SETDB2: variants seen among roughly 807,000 people sequenced by gnomAD.
The protein encoded by SETDB2 is SET domain bifurcated histone lysine methyltransferase 2, also known as histone-lysine N-methyltransferase SETDB2.
In SETDB2, 56 loss-of-function variants were observed where a neutral mutation model predicts 82.5. The ratio of observed to expected loss-of-function variants is 0.68; its 90% CI spans 0.55 to 0.85. The LOEUF (loss-of-function observed/expected upper bound fraction) is 0.85, where lower values mean the gene tolerates loss of function less well. SETDB2 is among the 40% of genes least tolerant of loss of function. The pLI, the probability that SETDB2 is intolerant of heterozygous loss-of-function variation, is 0.00. For missense variants in SETDB2, 677 were observed against 816.4 expected, an observed-to-expected ratio of 0.83 and a Z score of 2.08; for synonymous variants, 272 against 284.9, an observed-to-expected ratio of 0.95 and a Z score of 0.46.
At chr13:49,462,342 T>G (rs1198612886) in intron 4 of SETDB2, among the ~76,000 whole-genome samples, 1 of 152,124 alleles carries the variant, frequency 6.6e-6, no homozygotes, top group Non-Finnish European at 1.5e-5. Context: ...CTCTCAACAG[T>G]CATCTCATTA....
intron 4 of SETDB2, among the ~76,000 whole-genome samples, chr13:49,462,322 GA>G (rs1958012164): frequency 6.6e-6 from 1 of 152,148 alleles, no homozygotes; most frequent in Non-Finnish European, 1.5e-5. Flanking sequence ...GCTGTCTAGG[GA>G]TAGCTCACCT....
intron 5 of SETDB2, among the ~76,000 whole-genome samples, chr13:49,472,060 C>A: frequency 6.6e-6 from 1 of 150,940 alleles, no homozygotes; most frequent in East Asian, 1.9e-4. Flanking sequence ...CATGAGCCAC[C>A]GCACCCAACC....
chr13:49,452,253 AG>A (rs1957800987), intron 2 of SETDB2, among the ~76,000 whole-genome samples: 1 of 152,030 alleles, frequency 6.6e-6, no homozygotes, highest in Non-Finnish European at 1.5e-5. Context: ...CTGGGATTAC[AG>A]GCATGTGCCA....
chr13:49,477,401 C>G (rs2138945137), intron 6 of SETDB2, among the ~76,000 whole-genome samples: 1 of 151,908 alleles, frequency 6.6e-6, no homozygotes, highest in South Asian at 2.1e-4. Context: ...ACACACTGTA[C>G]CAGAGGCCTG....
rs11404262 is a variant in SETDB2, at chr13:49,465,072, TA to T, written c.209-2778del. Reference sequence around the variant, plus strand: ...CTAGGCAAGAGAGTGAGACCCTGTCTAAAAAAAAAAAAAAGTTTCACGCTAG... The same window carrying T: ...CTAGGCAAGAGAGTGAGACCCTGTCTAAAAAAAAAAAAAGTTTCACGCTAG... On this transcript the variant is annotated intron_variant, in intron 4 of 13. Transcript: ENST00000611815. Among the ~76,000 whole-genome samples the T allele has an allele frequency of 1.2e-3, 164 of 142,160 alleles. 1 individual carries two copies. The highest frequency in any genetic ancestry group is 3.7e-3 in the Middle Eastern group (1 of 272). 93.3% of individuals were successfully genotyped at this position (142,160 alleles called of 152,430 possible). A position where few individuals can be genotyped will look rare whatever the true frequency, so the allele number is the denominator to read the frequency against.
At chr13:49,448,365 GCTT>G (rs1394874509) in intron 1 of SETDB2, among the ~76,000 whole-genome samples, 1 of 151,976 alleles carries the variant, frequency 6.6e-6, no homozygotes, top group East Asian at 1.9e-4. Flanking sequence ...TTTTTTCCCA[GCTT>G]CTTTAATTGA....
intron 6 of SETDB2, among the ~76,000 whole-genome samples, chr13:49,477,998 G>C (rs554996867): frequency 5.9e-5 from 9 of 152,324 alleles, no homozygotes; most frequent in African/African-American, 1.9e-4. Context: ...TACAGATGTA[G>C]AGTGGTGTTG....
intron 5 of SETDB2, among the ~76,000 whole-genome samples, chr13:49,474,928 G>A (rs937533986): frequency 1.3e-5 from 2 of 152,214 alleles, no homozygotes; most frequent in Non-Finnish European, 2.9e-5. Context: ...TACCATATCG[G>A]ACAGCACAGG....
chr13:49,478,000 G>A (rs1373874696), intron 6 of SETDB2, among the ~76,000 whole-genome samples: 1 of 152,218 alleles, frequency 6.6e-6, no homozygotes, highest in African/African-American at 2.4e-5. Context: ...CAGATGTAGA[G>A]TGGTGTTGCA....
chr13:49,450,141 G>A (rs1957760021), intron 1 of SETDB2, among the ~76,000 whole-genome samples: 1 of 152,174 alleles, frequency 6.6e-6, no homozygotes. Context: ...TCTGAAGTTA[G>A]TCACGGTTTG....
chr13:49,472,289 G>A (rs1329747828), intron 5 of SETDB2, among the ~76,000 whole-genome samples: 2 of 151,982 alleles, frequency 1.3e-5, no homozygotes, highest in African/African-American at 2.4e-5. Flanking sequence ...CCCCTTAATG[G>A]TCATAGAGGA....
chr13:49,449,495 C>T (rs1210832143), intron 1 of SETDB2, among the ~76,000 whole-genome samples: 3 of 152,164 alleles, frequency 2.0e-5, no homozygotes, highest in African/African-American at 7.2e-5. Context: ...AGGTGATCCA[C>T]CCACCTCAGC....
At chr13:49,448,178 A>G (rs1319017268) in intron 1 of SETDB2, among the ~76,000 whole-genome samples, 4 of 152,174 alleles carry the variant, frequency 2.6e-5, no homozygotes, top group Non-Finnish European at 5.9e-5. Flanking sequence ...TGTGGCACAC[A>G]TCTCTAGTAA....
intron 2 of SETDB2, among the ~76,000 whole-genome samples, chr13:49,452,176 A>G (rs1426558635): frequency 6.6e-6 from 1 of 151,882 alleles, no homozygotes; most frequent in Non-Finnish European, 1.5e-5. Context: ...CAGTAGCACA[A>G]TCTTGGCTCA....
At chr13:49,468,008 T>A (rs774582160) in intron 5 of SETDB2, 48 bp downstream of exon 5, 3 of 1,360,310 alleles carry the variant, frequency 2.2e-6, no homozygotes, top group Non-Finnish European at 3.0e-6. Context: ...CCTACAGATT[T>A]CTTCTTTATA....
rs1958641027 is a variant in SETDB2 at position 49,488,585 on chromosome 13, T to C, written c.1872T>C (p.Phe624=). The change falls in exon 12 of 14, where the codon TTT becomes TTC. Residue 624 remains phenylalanine (F), a synonymous_variant. Transcript: ENST00000611815. ...SLTKFNKGNV[F]LLDATKEGNV... ...CAAAGTTCAATAAAGGGAATGTGTT[T>C]TTATTGGATGCCACAAAAGAAGGAA... The C allele has an allele frequency of 1.2e-6, 2 of 1,607,504 alleles. No individual in the cohort carries two copies. The highest frequency in any genetic ancestry group is 1.7e-6 in the Non-Finnish European group (2 of 1,177,444).
chr13:49,447,670 C>T (rs1957715859), intron 1 of SETDB2, among the ~76,000 whole-genome samples: 1 of 152,076 alleles, frequency 6.6e-6, no homozygotes, highest in South Asian at 2.1e-4. Flanking sequence ...TTAATATAAG[C>T]ATTCACATTG....
At chr13:49,469,435 A>C (rs924800478) in intron 5 of SETDB2, among the ~76,000 whole-genome samples, 4 of 152,242 alleles carry the variant, frequency 2.6e-5, no homozygotes, top group Non-Finnish European at 5.9e-5. Context: ...AAACGTTGTC[A>C]AAAAAGAAAA....
intron 10 of SETDB2, among the ~76,000 whole-genome samples, chr13:49,485,062 C>T (rs529640062): frequency 9.2e-5 from 14 of 152,314 alleles, no homozygotes; most frequent in South Asian, 4.1e-4. Flanking sequence ...ACATGTTGAC[C>T]ATTCACATGC....
Sources: allele counts gnomAD v4.1 joint callset (sites outside exome capture counted in the v4.1 genomes callset), GRCh38; gene constraint gnomAD v4.1.1; transcripts MANE v1.5; gene names NCBI Gene and HGNC (gene_info 2026-07-23, HGNC 2026-07-21).